Variants in PCDHA2 observed in about 807,000 individuals in gnomAD.
PCDHA2 encodes the protein protocadherin alpha-2.
Under a neutral mutation model 66.0 loss-of-function variants are expected in PCDHA2, and 58 were observed. The ratio of observed to expected loss-of-function variants is 0.88; its 90% CI spans 0.71 to 1.09. PCDHA2 has a LOEUF of 1.09. PCDHA2 is among the 50% of genes least tolerant of loss of function. The pLI is 0.00. For missense variants in PCDHA2, 1,267 were observed against 1,242.3 expected (o/e 1.02, Z -0.30); for synonymous variants, 634 against 554.0 (o/e 1.14, Z -2.03).
At chr5:141,004,823 TTAGA>T (rs1175791432) in intron 3 of PCDHA2, among the ~76,000 whole-genome samples, 26 of 152,314 alleles carry the variant, frequency 1.7e-4, no homozygotes, top group African/African-American at 5.8e-4. Context: ...TTTGATTAAC[TTAGA>T]TAGATCAAAG....
At position 140,877,452 on chromosome 5, in the gene PCDHA2, G is replaced by A. The variant is rs116206336; in HGVS notation, c.2388+80100G>A. On this transcript the variant is annotated intron_variant, in intron 1 of 3. Transcript: ENST00000526136. ...AGGACCACGGTGAGCCCGCGCTGAC[G>A]TCCACGGCCACGGTGCTGGTGTCGC... 1,416 of 1,613,822 alleles carry A rather than the reference G, an allele frequency of 8.8e-4. 8 individuals carry two copies. The African/African-American group carries it at 0.017, about 19-fold the overall frequency.
At position 140,851,655 on chromosome 5, in the gene PCDHA2, T is replaced by C. The variant is rs1554145502; in HGVS notation, c.2388+54303T>C. 3 of 911,452 alleles carry C rather than the reference T, an allele frequency of 3.3e-6. No individual in the cohort carries two copies. In the African/African-American group the frequency reaches 5.4e-5, roughly 16 times the overall value. 56.5% of individuals were successfully genotyped at this position (911,452 alleles called of 1,614,324 possible). ...GTGTTTCCTTTCTTCAAGAAGACAT[T>C]CTCCTTTTAATTGAAATTTTCTCCA... On this transcript the variant is annotated intron_variant, in intron 1 of 3. Transcript: ENST00000526136.
At chr5:140,967,464 G>T (rs781900904) in intron 1 of PCDHA2, 1 of 1,613,504 alleles carries the variant, frequency 6.2e-7, no homozygotes, top group Non-Finnish European at 8.5e-7. Context: ...GTGGATGGGG[G>T]CATCCCAGCC....
At position 140,873,044 on chromosome 5, in the gene PCDHA2, A is replaced by T. The variant is rs115529200; in HGVS notation, c.2388+75692A>T. Among the ~76,000 whole-genome samples, 1,019 of 152,290 alleles carry T rather than the reference A, an allele frequency of 6.7e-3. 5 individuals are homozygous for T. Among genetic ancestry groups the T allele is most frequent in the Admixed American group, 0.012 (189 of 15,302 alleles). On this transcript the variant is annotated intron_variant, in intron 1 of 3. Coordinates refer to ENST00000526136, the MANE Select transcript of PCDHA2 (RefSeq NM_018905.3). ...TTCTTACTACACGTAGAGTGGTGGT[A>T]TTACAGACTTTCTTGAGAATCATAT...
intron 1 of PCDHA2, chr5:140,866,026 C>T (rs1273078600): frequency 7.9e-5 from 12 of 151,914 alleles, no homozygotes; most frequent in Admixed American, 4.6e-4. Context: ...TGTAAGAGTT[C>T]GTGATCATCA....
At chr5:140,915,362 A>C (rs2077085780) in intron 1 of PCDHA2, among the ~76,000 whole-genome samples, 2 of 152,274 alleles carry the variant, frequency 1.3e-5, no homozygotes, top group East Asian at 3.9e-4. Flanking sequence ...TATTCTTACC[A>C]GTAAGTGTCT....
At chr5:140,934,690 T>G (rs1263392505) in intron 1 of PCDHA2, among the ~76,000 whole-genome samples, 1 of 152,198 alleles carries the variant, frequency 6.6e-6, no homozygotes, top group Non-Finnish European at 1.5e-5. Flanking sequence ...AAACAATGAA[T>G]TGATTCCTGG....
At chr5:140,937,906 C>T (rs1235683629) in intron 1 of PCDHA2, among the ~76,000 whole-genome samples, 6 of 130,108 alleles carry the variant, frequency 4.6e-5, no homozygotes, top group African/African-American at 6.4e-5. Context: ...AGTGAGACTC[C>T]GTCTCAAAAA....
chr5:140,808,573 G>A (rs782400462), intron 1 of PCDHA2: 4 of 1,613,964 alleles, frequency 2.5e-6, no homozygotes, highest in South Asian at 2.2e-5. Context: ...AGTACACAGT[G>A]TTCGTGAAGG....
intron 1 of PCDHA2, among the ~76,000 whole-genome samples, chr5:140,959,390 A>G (rs1554224055): frequency 6.6e-6 from 1 of 152,146 alleles, no homozygotes; most frequent in African/African-American, 2.4e-5. Context: ...AAAAGTCACA[A>G]ATTAAGATAA....
chr5:140,909,935 A>G (rs2074774035), intron 1 of PCDHA2, among the ~76,000 whole-genome samples: 1 of 152,154 alleles, frequency 6.6e-6, no homozygotes, highest in Admixed American at 6.5e-5. Flanking sequence ...AATCACAGTT[A>G]CTCTGGTAAA....
intron 1 of PCDHA2, among the ~76,000 whole-genome samples, chr5:140,820,456 T>A (rs1421227937): frequency 3.3e-5 from 5 of 152,058 alleles, no homozygotes; most frequent in African/African-American, 9.6e-5. Flanking sequence ...GTCCCTCTTG[T>A]CTTCACAGGT....
chr5:140,913,107 CA>C (rs2076210472), intron 1 of PCDHA2, among the ~76,000 whole-genome samples: 1 of 152,078 alleles, frequency 6.6e-6, no homozygotes, highest in South Asian at 2.1e-4. Context: ...CTCATAGAAT[CA>C]GTTTGGAAGT....
At chr5:140,851,455 C>T in intron 1 of PCDHA2, 1 of 898,662 alleles carries the variant, frequency 1.1e-6, no homozygotes, top group Non-Finnish European at 1.4e-6. Context: ...CTTTAGGAAT[C>T]AAATTATGTC....
chr5:140,849,974 G>A lies in PCDHA2; in HGVS notation c.2388+52622G>A, dbSNP rs190398483. The stretch of plus-strand genomic sequence containing the variant: ...AGGAGAACGCCCTGGTGTCCTACTC[G>A]CTGGTGGAGCGGCGGTTGGGCGAGC... On this transcript the variant is annotated intron_variant, in intron 1 of 3. Transcript: ENST00000526136. The A allele has an allele frequency of 6.3e-5, 100 of 1,597,670 alleles. 8 individuals carry two copies. Among genetic ancestry groups the A allele is most frequent in the Non-Finnish European group, 7.6e-5 (89 of 1,167,890 alleles).
intron 1 of PCDHA2, among the ~76,000 whole-genome samples, chr5:140,799,915 T>G (rs1554121052): frequency 6.6e-6 from 1 of 152,166 alleles, no homozygotes; most frequent in African/African-American, 2.4e-5. Context: ...CGGCGAGAAT[T>G]CATGCTTCTC....
At chr5:140,855,877 C>CT in intron 1 of PCDHA2, 1 of 897,114 alleles carries the variant, frequency 1.1e-6, no homozygotes, top group African/African-American at 1.7e-5. Flanking sequence ...CACAAAATAG[C>CT]TTTTTAGAAC....
At chr5:140,940,080 T>C (rs1213223425) in intron 1 of PCDHA2, among the ~76,000 whole-genome samples, 3 of 152,248 alleles carry the variant, frequency 2.0e-5, no homozygotes, top group African/African-American at 7.2e-5. Flanking sequence ...GATATCTTTC[T>C]GCTAAATTGA....
chr5:140,862,502 G>A (rs2047397445), intron 1 of PCDHA2: 2 of 398,710 alleles, frequency 5.0e-6, no homozygotes, highest in Non-Finnish European at 5.0e-6. Flanking sequence ...TCGGAATGGG[G>A]ACTCGCTTTC....
Sources: allele counts gnomAD v4.1 joint callset (sites outside exome capture counted in the v4.1 genomes callset), GRCh38; gene constraint gnomAD v4.1.1; transcripts MANE v1.5; gene names NCBI Gene and HGNC (gene_info 2026-07-23, HGNC 2026-07-21).